The following ACTA2 variants were observed in gnomAD, a reference collection of about 807,000 sequenced individuals.
The protein encoded by ACTA2 is actin, aortic smooth muscle.
Under a neutral mutation model 39.5 loss-of-function variants are expected in ACTA2, and 12 were observed. The ratio of observed to expected loss-of-function variants is 0.30; its 90% confidence interval spans 0.19 to 0.49. The LOEUF is 0.49. ACTA2 is among the 20% of genes least tolerant of loss of function. The pLI, the probability that ACTA2 is intolerant of heterozygous loss-of-function variation, is 0.99. For synonymous variants in ACTA2, 158 were observed against 180.6 expected, an observed-to-expected ratio of 0.88 and a Z score of 1.00; for missense variants, 236 against 498.8, an observed-to-expected ratio of 0.47 and a Z score of 5.02.
intron 1 of ACTA2, among the ~76,000 whole-genome samples, chr10:88,961,633 C>G (rs185070951): frequency 6.6e-6 from 1 of 152,248 alleles, no homozygotes; most frequent in African/African-American, 2.4e-5. Context: ...GATCCACAGT[C>G]CTGACTTTGC....
chr10:88,971,706 G>A (rs759592460), intron 1 of ACTA2, among the ~76,000 whole-genome samples: 2 of 152,042 alleles, frequency 1.3e-5, no homozygotes, highest in Admixed American at 6.6e-5. Flanking sequence ...ATACAAACAG[G>A]AGTCCTAGCA....
rs182903136 is a variant in ACTA2, at chr10:88,971,084, C to T, written c.-24+19855G>A. ...ATGGCACAAATAATAGACATTTTCC[C>T]GAATAATGGCGTCTGATTTTCAAGC... On this transcript the variant is annotated intron_variant, in intron 1 of 4. Coordinates refer to the ACTA2 transcript ENST00000415557. Among the ~76,000 whole-genome samples the T allele has an allele frequency of 3.3e-3, 504 of 152,216 alleles. 4 individuals are homozygous for T. Among genetic ancestry groups the T allele is most frequent in the African/African-American group, 0.012 (480 of 41,532 alleles).
intron 1 of ACTA2, among the ~76,000 whole-genome samples, chr10:88,985,232 C>A (rs188950087): frequency 5.3e-5 from 8 of 152,316 alleles, no homozygotes; most frequent in African/African-American, 1.7e-4. Flanking sequence ...CAGCTTCTCA[C>A]ATCTAGTGAA....
At chr10:88,969,612 T>C (rs2133318498) in intron 1 of ACTA2, among the ~76,000 whole-genome samples, 1 of 152,306 alleles carries the variant, frequency 6.6e-6, no homozygotes, top group South Asian at 2.1e-4. Context: ...ACTCAAATTG[T>C]TTCTGGCTCT....
In ACTA2 at chr10:88,938,041, G is replaced by A. The variant is rs765047742; in HGVS notation, c.990+20C>T. 13 of 1,613,620 alleles carry A rather than the reference G, an allele frequency of 8.1e-6. No homozygotes were observed. Among genetic ancestry groups the A allele is most frequent in the Non-Finnish European group, 9.3e-6 (11 of 1,179,790 alleles). On this transcript the variant is annotated intron_variant, in intron 8 of 8. Transcript: ENST00000224784. ...GACACTGCTGGCGGCATTGCCACTG[G>A]GTCTGTCACTGAACAGTACCTTGAT...
chr10:88,969,809 A>G (rs1421406245), intron 1 of ACTA2, among the ~76,000 whole-genome samples: 3 of 152,158 alleles, frequency 2.0e-5, no homozygotes, highest in African/African-American at 7.2e-5. Flanking sequence ...TAGGGAAGGG[A>G]CACTGATTGT....
At chr10:88,935,579 C>T in intron 8 of ACTA2, 1 of 522,848 alleles carries the variant, frequency 1.9e-6, no homozygotes, top group South Asian at 2.0e-5. Flanking sequence ...CTTCAGTAAG[C>T]ACATTCGTTT....
intron 1 of ACTA2, among the ~76,000 whole-genome samples, chr10:88,962,961 ATATATATATATATATAATAT>A (rs1846258139): frequency 5.4e-5 from 2 of 37,126 alleles, no homozygotes; most frequent in Non-Finnish European, 1.0e-4. Context: ...ATATATATAT[ATATATATATATATATAATAT>A]TTTTTTTTTT....
chr10:88,966,277 C>T (rs913715433), intron 1 of ACTA2, among the ~76,000 whole-genome samples: 1 of 152,142 alleles, frequency 6.6e-6, no homozygotes, highest in Non-Finnish European at 1.5e-5. Flanking sequence ...ATTATAGGAT[C>T]CCAGGCTTAT....
At chr10:88,954,484 T>C (rs1052561234), upstream of ACTA2, among the ~76,000 whole-genome samples, 2 of 152,164 alleles carry the variant, frequency 1.3e-5, no homozygotes, top group East Asian at 3.9e-4. Flanking sequence ...TTTCCATATT[T>C]TCTTGAGTAG....
Position 88,935,107 on chromosome 10 carries a change from C to A in ACTA2, c.*116G>T. 6.9e-7 allele frequency: 1 copy of A among 1,441,148 alleles called. No homozygotes were observed. The highest frequency in any genetic ancestry group is 1.8e-5 in the Admixed American group (1 of 56,208). 89.3% of individuals were successfully genotyped at this position (1,441,148 alleles called of 1,614,324 possible). A position where few individuals can be genotyped will look rare whatever the true frequency, so the allele number is the denominator to read the frequency against. On this transcript the variant is annotated 3_prime_UTR_variant, in exon 9 of 9. Transcript: ENST00000224784. Reference sequence around the variant, plus strand: ...AGCCTATTTCAGATTTATTAAAAAACACATAGGTAACGAGTCAGAGCTTTG... The same window carrying A: ...AGCCTATTTCAGATTTATTAAAAAAAACATAGGTAACGAGTCAGAGCTTTG...
intron 1 of ACTA2, among the ~76,000 whole-genome samples, chr10:88,958,564 G>T (rs1846175628): frequency 6.6e-6 from 1 of 152,160 alleles, no homozygotes; most frequent in Non-Finnish European, 1.5e-5. Flanking sequence ...AGAGGTGTGG[G>T]TAGTGGCCTG....
At chr10:88,957,656 TC>T (rs1448294552), upstream of ACTA2, among the ~76,000 whole-genome samples, 1 of 152,074 alleles carries the variant, frequency 6.6e-6, no homozygotes, top group Admixed American at 6.6e-5. Context: ...AAACAGTATT[TC>T]CCCCTTGTAC....
At chr10:88,958,580 C>T (rs552024868) in intron 1 of ACTA2, among the ~76,000 whole-genome samples, 1 of 152,224 alleles carries the variant, frequency 6.6e-6, no homozygotes, top group East Asian at 1.9e-4. Context: ...GCCTGTATGT[C>T]AGGCTCCACC....
upstream of ACTA2, among the ~76,000 whole-genome samples, chr10:88,953,294 A>G (rs900852080): frequency 3.3e-5 from 5 of 152,218 alleles, no homozygotes; most frequent in African/African-American, 1.2e-4. Context: ...TGGTAGGCAC[A>G]CTGTTTATAA....
At position 88,943,389 on chromosome 10, in the gene ACTA2, C is replaced by T. The variant is rs151159877; in HGVS notation, c.369+408G>A. On this transcript the variant is annotated intron_variant, in intron 4 of 8. Coordinates refer to ENST00000224784, the MANE Select transcript of ACTA2 (RefSeq NM_001613.4). The stretch of plus-strand genomic sequence containing the variant: ...TACTCCCAACTTATAGACAAGGAAA[C>T]TGAGGCTCTGAGAAATTAACGGAGT... Among the ~76,000 whole-genome samples the T allele has an allele frequency of 3.7e-3, 560 of 152,256 alleles. 2 individuals carry two copies. The highest frequency in any genetic ancestry group is 0.013 in the African/African-American group (540 of 41,542).
chr10:88,947,990 T>C (rs1018330225), intron 2 of ACTA2, among the ~76,000 whole-genome samples: 6 of 152,112 alleles, frequency 3.9e-5, no homozygotes, highest in Non-Finnish European at 7.4e-5. Context: ...ATCATTAAGG[T>C]GAAGTTCTTA....
intron 1 of ACTA2, among the ~76,000 whole-genome samples, chr10:88,960,748 G>A (rs141613396): frequency 1.3e-5 from 2 of 150,620 alleles, no homozygotes; most frequent in African/African-American, 2.4e-5. Flanking sequence ...TCACTAAGTC[G>A]TTAGCAGAGT....
rs1274364284 is a variant in ACTA2 at position 88,947,329 on chromosome 10, T to C, written c.187A>G (p.Lys63Glu). The change falls in exon 3 of 9, where the codon AAA becomes GAA. Residue 63 changes from lysine (K) to glutamate (E), a missense_variant. By Grantham distance (56) the Lys-to-Glu change is moderately conservative (BLOSUM62 1). Transcript: ENST00000224784. ...DSYVGDEAQS[K>E]RGILTLKYPI... is the part of the protein sequence containing the mutation. ...TACTTCAGGGTCAGGATTCCTCTTT[T>C]GCTCTGTGCTTCGTCACCCACGTAG... The C allele has an allele frequency of 6.2e-7, 1 of 1,614,040 alleles. No individual in the cohort carries two copies. The highest frequency in any genetic ancestry group is 8.5e-7 in the Non-Finnish European group (1 of 1,179,944).
Sources: gnomAD v4.1 joint callset for allele counts (sites outside exome capture counted in the v4.1 genomes callset) on GRCh38, gnomAD v4.1.1 for gene constraint, MANE v1.5 for transcripts, NCBI Gene and HGNC (gene_info 2026-07-23, HGNC 2026-07-21) for gene names.